Variants in CLDN16 observed in about 807,000 individuals in gnomAD.
The protein encoded by CLDN16 is claudin-16.
In CLDN16, 13 loss-of-function variants were observed where a neutral mutation model predicts 24.6. The observed-to-expected ratio is 0.53, with a 90% CI of 0.34 to 0.84. The LOEUF (loss-of-function observed/expected upper bound fraction) is 0.84, where lower values mean the gene tolerates loss of function less well. CLDN16 is among the 40% of genes least tolerant of loss of function. The probability of loss-of-function intolerance (pLI) is 0.01; values close to 1 mark genes in which losing one functional copy is unlikely to be tolerated. For synonymous variants in CLDN16, 116 were observed against 106.7 expected, an observed-to-expected ratio of 1.09 and a Z score of -0.54; for missense variants, 298 against 292.7, an observed-to-expected ratio of 1.02 and a Z score of -0.13.
At chr3:190,392,491 C>G (rs1718705782) in intron 1 of CLDN16, among the ~76,000 whole-genome samples, 1 of 152,066 alleles carries the variant, frequency 6.6e-6, no homozygotes. Flanking sequence ...AGGATGAGAC[C>G]TGGAGCCTCC....
rs1221514630 is a variant in CLDN16, at chr3:190,363,556, GTATATATATATATATATA to G, written n.122-7313_122-7296del. Among the ~76,000 whole-genome samples, 3 of 87,402 alleles carry G rather than the reference GTATATATATATATATATA, an allele frequency of 3.4e-5. 1 individual carries two copies. Among genetic ancestry groups the G allele is most frequent in the African/African-American group, 4.7e-5 (1 of 21,120 alleles). The allele number at this position is 87,402 out of a possible 152,430, so 57.3% of individuals were successfully genotyped here. ...AGTTGCTGTGCGTGTGTGTGTGTGT[GTATATATATATATATATA>G]TATATATATATATATATATATATTT... On this transcript the variant is annotated intron_variant and non_coding_transcript_variant, in intron 1 of 4. Coordinates refer to the CLDN16 transcript ENST00000468220.
At chr3:190,369,427 A>C (rs911261691) in intron 1 of CLDN16, among the ~76,000 whole-genome samples, 2 of 151,968 alleles carry the variant, frequency 1.3e-5, no homozygotes, top group African/African-American at 4.8e-5. Context: ...GAGAACATGC[A>C]GTGAGAAATT....
chr3:190,380,053 T>C (rs1718327949), intron 3 of CLDN16, among the ~76,000 whole-genome samples: 1 of 150,692 alleles, frequency 6.6e-6, no homozygotes, highest in Non-Finnish European at 1.5e-5. Flanking sequence ...AGTGGCATTC[T>C]ATTAATCTAT....
At chr3:190,361,669 A>T (rs1028791033) in intron 1 of CLDN16, among the ~76,000 whole-genome samples, 1 of 151,984 alleles carries the variant, frequency 6.6e-6, no homozygotes, top group Non-Finnish European at 1.5e-5. Flanking sequence ...GTGAGGGCAA[A>T]AGAGTCCTTG....
chr3:190,382,456 C>T lies in CLDN16; in HGVS notation n.306+7853C>T, dbSNP rs1254777073. On this transcript the variant is annotated intron_variant and non_coding_transcript_variant, in intron 3 of 4. Transcript: ENST00000468220. ...ATAAACAGCATACTATTTTCAGGGC[C>T]TCATGCTTGCCCAAGCATTCTCCAC... Among the ~76,000 whole-genome samples the T allele has an allele frequency of 2.6e-5, 4 of 152,160 alleles. No individual in the cohort carries two copies. In the East Asian group the frequency reaches 5.8e-4, roughly 22 times the overall value.
the CLDN16 span, chr3:190,308,469 T>G: frequency 1.3e-5 from 21 of 1,610,472 alleles, no homozygotes; most frequent in East Asian, 1.1e-4. Flanking sequence ...TGCTTGTTAA[T>G]CAGTGAATTA....
rs1719289945 is a variant in CLDN16, at chr3:190,411,685, C to T, written c.*1649C>T. ...TACATGAATTAACGTTTCGAGATTGCTGTTTATTACTTCCCAGAGTATCTT... is the reference window on the plus strand; with the variant it reads ...TACATGAATTAACGTTTCGAGATTGTTGTTTATTACTTCCCAGAGTATCTT... On this transcript the variant is annotated 3_prime_UTR_variant, in exon 5 of 5. Coordinates refer to ENST00000264734, the MANE Select transcript of CLDN16 (RefSeq NM_006580.4). 1 of 152,152 alleles carries T rather than the reference C, an allele frequency of 6.6e-6. No individual in the cohort carries two copies. 9.4% of individuals were successfully genotyped at this position (152,152 alleles called of 1,614,324 possible).
chr3:190,298,328 T>C, the CLDN16 span, among the ~76,000 whole-genome samples: 5 of 138,126 alleles, frequency 3.6e-5, no homozygotes, highest in Non-Finnish European at 7.7e-5. Context: ...TTACAATAGT[T>C]TGATCTCACA....
At chr3:190,319,341 G>A (rs1268909940), upstream of CLDN16, among the ~76,000 whole-genome samples, 3 of 152,068 alleles carry the variant, frequency 2.0e-5, no homozygotes, top group Non-Finnish European at 2.9e-5. Flanking sequence ...TGGATGAAAT[G>A]GAAATTGTAT....
At chr3:190,335,154 C>T (rs915023951) in intron 1 of CLDN16, among the ~76,000 whole-genome samples, 2 of 151,726 alleles carry the variant, frequency 1.3e-5, no homozygotes, top group Non-Finnish European at 2.9e-5. Flanking sequence ...AGCGATTCTC[C>T]TGCCACAGCC....
At chr3:190,339,192 G>C (rs932402939) in intron 1 of CLDN16, among the ~76,000 whole-genome samples, 1 of 152,066 alleles carries the variant, frequency 6.6e-6, no homozygotes, top group African/African-American at 2.4e-5. Flanking sequence ...TGCTCTTCTT[G>C]CTTCCTTAAA....
the CLDN16 span, among the ~76,000 whole-genome samples, chr3:190,313,508 A>C: frequency 1.3e-5 from 2 of 152,238 alleles, no homozygotes; most frequent in Admixed American, 6.5e-5. Context: ...AATAAGCTTC[A>C]GAAAAACTGG....
intron 1 of CLDN16, chr3:190,370,831 A>C (rs1298574764): frequency 2.0e-5 from 3 of 151,742 alleles, no homozygotes; most frequent in Non-Finnish European, 2.9e-5. Context: ...TAAAGCAGGC[A>C]GAAAAATATG....
intron 1 of CLDN16, among the ~76,000 whole-genome samples, chr3:190,359,939 A>G (rs1717850710): frequency 6.6e-6 from 1 of 151,976 alleles, no homozygotes; most frequent in African/African-American, 2.4e-5. Context: ...TGGCACTGAA[A>G]GGTATTTGAA....
chr3:190,372,265 A>G (rs1426301828), intron 2 of CLDN16, among the ~76,000 whole-genome samples: 1 of 151,910 alleles, frequency 6.6e-6, no homozygotes, highest in East Asian at 1.9e-4. Context: ...CAGGATAGAC[A>G]CCCAGCTCCT....
chr3:190,397,378 C>G (rs1368279248), intron 1 of CLDN16, among the ~76,000 whole-genome samples: 1 of 152,116 alleles, frequency 6.6e-6, no homozygotes, highest in Non-Finnish European at 1.5e-5. Context: ...ACAACTCTGT[C>G]AGATTAAAAG....
upstream of CLDN16, among the ~76,000 whole-genome samples, chr3:190,385,823 G>A (rs1367225634): frequency 6.6e-6 from 1 of 151,948 alleles, no homozygotes; most frequent in Non-Finnish European, 1.5e-5. Flanking sequence ...TTTTTCTTTT[G>A]TTGTTCTAAA....
chr3:190,358,666 TA>T (rs554584028), intron 1 of CLDN16, among the ~76,000 whole-genome samples: 1 of 151,390 alleles, frequency 6.6e-6, no homozygotes, highest in Non-Finnish European at 1.5e-5. Flanking sequence ...CCTGCAAAAT[TA>T]AAAAAAACAA....
chr3:190,306,565 C>T, the CLDN16 span: 1 of 152,606 alleles, frequency 6.6e-6, no homozygotes, highest in Non-Finnish European at 1.5e-5. Context: ...TTACAAACCA[C>T]CGCTTACAGA....
Sources: gnomAD v4.1 joint callset for allele counts (sites outside exome capture counted in the v4.1 genomes callset) on GRCh38, gnomAD v4.1.1 for gene constraint, MANE v1.5 for transcripts, NCBI Gene and HGNC (gene_info 2026-07-23, HGNC 2026-07-21) for gene names.